The following HDAC9 variants were observed in gnomAD, a reference collection of about 807,000 sequenced individuals.
HDAC9 encodes the protein histone deacetylase 9.
A neutral mutation model predicts 139.4 loss-of-function variants in HDAC9; 41 were observed. The observed-to-expected ratio is 0.29, with a 90% CI of 0.23 to 0.38. The LOEUF (loss-of-function observed/expected upper bound fraction) is 0.38, where lower values mean the gene tolerates loss of function less well. Ranked by LOEUF, HDAC9 falls within the 10% of genes least tolerant of loss-of-function variation. The pLI is 1.00. For missense variants in HDAC9, 1,147 were observed against 1,297.0 expected (o/e 0.88, Z 1.78); for synonymous variants, 517 against 476.2 (o/e 1.09, Z -1.12).
At chr7:18,113,469 G>A (rs1783762824) in intron 1 of HDAC9, among the ~76,000 whole-genome samples, 1 of 152,178 alleles carries the variant, frequency 6.6e-6, no homozygotes, top group Admixed American at 6.5e-5. Flanking sequence ...CACGGATTAA[G>A]TTTCTACGAG....
chr7:18,666,163 G>T, intron 11 of HDAC9, 50 bp from the exon 12 acceptor site: 1 of 1,527,508 alleles, frequency 6.5e-7, no homozygotes, highest in Non-Finnish European at 8.8e-7. Flanking sequence ...TTGCTTCTCT[G>T]TTACCATGAA....
chr7:18,922,443 G>T (rs1025585040), intron 22 of HDAC9, among the ~76,000 whole-genome samples: 3 of 152,058 alleles, frequency 2.0e-5, no homozygotes, highest in Non-Finnish European at 4.4e-5. Context: ...TCAAGATTTT[G>T]TAGTCAGATG....
At chr7:18,667,964 A>G (rs1324723757) in intron 12 of HDAC9, 1 of 971,282 alleles carries the variant, frequency 1.0e-6, no homozygotes, top group Non-Finnish European at 1.2e-6. Flanking sequence ...GGTTTTTTCT[A>G]TTAAAATATT....
At chr7:18,885,793 A>T (rs964639061) in intron 22 of HDAC9, among the ~76,000 whole-genome samples, 1 of 152,252 alleles carries the variant, frequency 6.6e-6, no homozygotes, top group African/African-American at 2.4e-5. Context: ...TCCAGGTCAG[A>T]AAAGTAAGCT....
chr7:18,754,157 A>T (rs937167606), intron 14 of HDAC9, among the ~76,000 whole-genome samples: 2 of 151,888 alleles, frequency 1.3e-5, no homozygotes, highest in African/African-American at 2.4e-5. Context: ...TGCCAATACC[A>T]CTTAATTTTT....
intron 24 of HDAC9, among the ~76,000 whole-genome samples, chr7:18,974,348 A>G (rs1784427365): frequency 6.6e-6 from 1 of 152,162 alleles, no homozygotes; most frequent in African/African-American, 2.4e-5. Context: ...CATCATCTTA[A>G]ATACGTGTTC....
chr7:18,584,445 A>G (rs1828836707), intron 2 of HDAC9, among the ~76,000 whole-genome samples: 1 of 152,140 alleles, frequency 6.6e-6, no homozygotes, highest in African/African-American at 2.4e-5. Context: ...CAGCATTCTT[A>G]TCTACTAAGA....
intron 17 of HDAC9, among the ~76,000 whole-genome samples, chr7:18,828,897 C>A (rs202110687): frequency 6.6e-6 from 1 of 152,324 alleles, no homozygotes; most frequent in East Asian, 1.9e-4. Flanking sequence ...GCATGTTTGC[C>A]AGCTAGCTGC....
chr7:18,724,956 G>C (rs1359185426), intron 12 of HDAC9, among the ~76,000 whole-genome samples: 1 of 152,140 alleles, frequency 6.6e-6, no homozygotes, highest in Non-Finnish European at 1.5e-5. Flanking sequence ...CAATTAATGT[G>C]TGTTCAAAAA....
chr7:18,741,842 C>T (rs537824200), intron 13 of HDAC9, among the ~76,000 whole-genome samples: 1 of 152,230 alleles, frequency 6.6e-6, no homozygotes, highest in African/African-American at 2.4e-5. Context: ...TTCCAGTTCT[C>T]ATGGATGACT....
At chr7:18,442,969 G>A (rs1791927103) in intron 1 of HDAC9, among the ~76,000 whole-genome samples, 1 of 152,196 alleles carries the variant, frequency 6.6e-6, no homozygotes, top group South Asian at 2.1e-4. Flanking sequence ...CAGGCTGATA[G>A]CTGATTGACT....
intron 1 of HDAC9, among the ~76,000 whole-genome samples, chr7:18,109,765 T>C (rs1235316002): frequency 6.6e-6 from 1 of 152,208 alleles, no homozygotes; most frequent in South Asian, 2.1e-4. Context: ...TACTTACATA[T>C]CCACTTTAAT....
At chr7:18,793,277 C>T (rs1281690111) in intron 16 of HDAC9, 68 bp from the exon 17 acceptor site, 1 of 1,078,282 alleles carries the variant, frequency 9.3e-7, no homozygotes, top group African/African-American at 1.6e-5. Context: ...CCCCTTTTAC[C>T]CCTTTCATCT....
intron 1 of HDAC9, among the ~76,000 whole-genome samples, chr7:18,467,656 C>A (rs1480230769): frequency 6.6e-6 from 1 of 151,918 alleles, no homozygotes; most frequent in Non-Finnish European, 1.5e-5. Flanking sequence ...TATTACAGTC[C>A]CCATATATTA....
chr7:18,600,298 T>C (rs1293545161), intron 6 of HDAC9, among the ~76,000 whole-genome samples: 1 of 152,178 alleles, frequency 6.6e-6, no homozygotes, highest in African/African-American at 2.4e-5. Context: ...AAGATTCTAA[T>C]TTTATTAAAC....
chr7:18,274,693 A>G (rs532455433), intron 2 of HDAC9, among the ~76,000 whole-genome samples: 1 of 152,326 alleles, frequency 6.6e-6, no homozygotes, highest in South Asian at 2.1e-4. Context: ...TCTGAGAAAG[A>G]ATGAACTAGG....
At chr7:18,590,288 T>C (rs1830578288) in intron 3 of HDAC9, 48 bp from the exon 4 acceptor site, 7 of 1,600,222 alleles carry the variant, frequency 4.4e-6, no homozygotes, top group Non-Finnish European at 6.0e-6. Context: ...GTGATGACTA[T>C]GAAGCCTAAA....
chr7:18,242,987 T>C lies in HDAC9; in HGVS notation c.25+80638T>C, dbSNP rs141136206. Among the ~76,000 whole-genome samples, 1,260 of 152,278 alleles carry C rather than the reference T, an allele frequency of 8.3e-3. 17 individuals carry two copies. Among genetic ancestry groups the C allele is most frequent in the African/African-American group, 0.028 (1,183 of 41,548 alleles). Reference sequence around the variant, plus strand: ...TGCTCTACTTCTGGAAAAACAAATATTTTGTTTTAGCTATTTGCATATGAA... The same window carrying C: ...TGCTCTACTTCTGGAAAAACAAATACTTTGTTTTAGCTATTTGCATATGAA... On this transcript the variant is annotated intron_variant, in intron 2 of 12. Coordinates refer to the HDAC9 transcript ENST00000417496.
intron 2 of HDAC9, among the ~76,000 whole-genome samples, chr7:18,174,810 G>T (rs1032617383): frequency 6.6e-6 from 1 of 152,172 alleles, no homozygotes; most frequent in Non-Finnish European, 1.5e-5. Flanking sequence ...ATTGCTGCCT[G>T]ATCCTTCCTC....
Sources: gnomAD v4.1 joint callset for allele counts (sites outside exome capture counted in the v4.1 genomes callset) on GRCh38, gnomAD v4.1.1 for gene constraint, MANE v1.5 for transcripts, NCBI Gene and HGNC (gene_info 2026-07-23, HGNC 2026-07-21) for gene names.